Variants in CFHR5 observed in about 807,000 individuals in gnomAD.
The protein encoded by CFHR5 is complement factor H-related protein 5.
In CFHR5, 73 loss-of-function variants were observed where a neutral mutation model predicts 62.9. That is an observed-to-expected ratio of 1.16 (90% CI 0.96 to 1.41). The LOEUF is 1.41. Among genes scored for constraint, CFHR5 ranks in the 40% most tolerant of loss-of-function variants. The probability of loss-of-function intolerance (pLI) is 0.00; values close to 1 mark genes in which losing one functional copy is unlikely to be tolerated. For missense variants in CFHR5, 779 were observed against 679.9 expected, an observed-to-expected ratio of 1.15 and a Z score of -1.62; for synonymous variants, 249 against 227.2, an observed-to-expected ratio of 1.10 and a Z score of -0.86.
intron 9 of CFHR5, among the ~76,000 whole-genome samples, chr1:197,005,046 T>G (rs1342134942): frequency 6.6e-6 from 1 of 152,172 alleles, no homozygotes; most frequent in Non-Finnish European, 1.5e-5. Flanking sequence ...AAATAAAATT[T>G]TAAAGACCTA....
chr1:196,992,875 T>A (rs956174078), intron 3 of CFHR5, among the ~76,000 whole-genome samples: 1 of 152,198 alleles, frequency 6.6e-6, no homozygotes, highest in Non-Finnish European at 1.5e-5. Context: ...TAACAGTATA[T>A]AAAACTAGCT....
chr1:196,997,027 A>G (rs1271947506), intron 6 of CFHR5, among the ~76,000 whole-genome samples: 2 of 151,902 alleles, frequency 1.3e-5, no homozygotes, highest in African/African-American at 4.8e-5. Flanking sequence ...TATCTCTAGC[A>G]ACCTCAATAC....
Position 196,983,978 on chromosome 1 carries a change from T to C in CFHR5, c.271T>C (p.Phe91Leu), listed in dbSNP as rs1457960780. The change falls in exon 3 of 10, where the codon TTT becomes CTT. Residue 91 changes from phenylalanine to leucine, a missense_variant. Physicochemically the swap from Phe to Leu is conservative, Grantham distance 22. Coordinates refer to ENST00000256785, the MANE Select transcript of CFHR5 (RefSeq NM_030787.4). ...TTCCTTAGGAATGTGTTCCTTTCCT[T>C]TTGTGAAAAATGGTCATTCTGAATC... Reference protein sequence around the residue: ...PKCLRMCSFPFVKNGHSESSG... With the variant: ...PKCLRMCSFPLVKNGHSESSG... 1.9e-6 allele frequency: 3 copies of C among 1,610,066 alleles called. No homozygotes were observed. The highest frequency in any genetic ancestry group is 1.3e-5 in the African/African-American group (1 of 74,966).
At position 196,996,057 on chromosome 1, in the gene CFHR5, G is replaced by A. The variant is rs199531514; in HGVS notation, c.826G>A (p.Glu276Lys). The A allele has an allele frequency of 3.0e-5, 49 of 1,613,850 alleles. No individual in the cohort carries two copies. In the Admixed American group the frequency reaches 7.3e-4, roughly 24 times the overall value. The change falls in exon 6 of 10, where the codon GAG becomes AAG. Residue 276 changes from glutamate to lysine, a missense_variant. Transcript: ENST00000256785. ...AACATGTGGATACATACCTGAACTC[G>A]AGTACGGTTATGTTCAGCCGTCTGT... is the stretch of plus-strand genomic sequence containing the variant. Reference protein sequence around the residue: ...VKTCGYIPELEYGYVQPSVPP... With the variant: ...VKTCGYIPELKYGYVQPSVPP...
chr1:196,978,823 AG>A (rs1178724409), intron 1 of CFHR5, among the ~76,000 whole-genome samples: 1 of 152,186 alleles, frequency 6.6e-6, no homozygotes, highest in Non-Finnish European at 1.5e-5. Context: ...GGATTTCTAA[AG>A]GGGGGTGGAA....
intron 2 of CFHR5, among the ~76,000 whole-genome samples, chr1:196,983,319 C>G (rs904988653): frequency 7.2e-5 from 11 of 152,144 alleles, no homozygotes; most frequent in African/African-American, 2.4e-4. Context: ...TTTTTTTAAA[C>G]TGATGATTAA....
chr1:196,993,929 G>A (rs939751500), intron 3 of CFHR5, 151 bp from the exon 4 acceptor site: 3 of 643,516 alleles, frequency 4.7e-6, no homozygotes, highest in Middle Eastern at 4.2e-4. Flanking sequence ...TATTTATTGG[G>A]TATAAATAAT....
intron 7 of CFHR5, among the ~76,000 whole-genome samples, chr1:197,000,218 C>CTA (rs1654114292): frequency 1.3e-5 from 2 of 152,100 alleles, no homozygotes; most frequent in South Asian, 4.2e-4. Context: ...GAGCTGGTAG[C>CTA]TAGTAGTCTG....
Position 196,984,101 on chromosome 1 carries a change from C to T in CFHR5, c.394C>T (p.Arg132Trp), listed in dbSNP as rs758371568. Residue 132 changes from arginine to tryptophan, a missense_variant, in exon 3 of 10, where the codon CGG becomes TGG. By Grantham distance (101) the Arg-to-Trp change is moderately radical. Transcript: ENST00000256785. The part of the protein sequence containing the change: ...NNEKNISCVE[R>W]GWSTPPICSF... ...TGAGAAAAACATTTCGTGTGTAGAA[C>T]GGGGCTGGTCCACTCCTCCCATATG... 4.3e-5 allele frequency: 69 copies of T among 1,613,530 alleles called. No homozygotes were observed. Among genetic ancestry groups the T allele is most frequent in the East Asian group, 8.9e-5 (4 of 44,832 alleles).
Position 196,995,863 on chromosome 1 carries a change from G to C in CFHR5, c.754G>C (p.Val252Leu). The change falls in exon 5 of 10, where the codon GTG becomes CTG. Residue 252 changes from valine (V) to leucine (L), a missense_variant. Physicochemically the swap from Val to Leu is conservative, Grantham distance 32 (BLOSUM62 1). Transcript: ENST00000256785. ...AAACGGGCCTAAGAAAATACAATGT[G>C]TGGATGGAGAATGGACAACTTTACC... The part of the protein sequence containing the change: ...IINGPKKIQC[V>L]DGEWTTLPTC... 6.2e-7 allele frequency: 1 copy of C among 1,613,386 alleles called. No individual in the cohort carries two copies. The highest frequency in any genetic ancestry group is 8.5e-7 in the Non-Finnish European group (1 of 1,179,480).
At chr1:196,980,398 A>T (rs1284991658) in intron 1 of CFHR5, among the ~76,000 whole-genome samples, 2 of 152,076 alleles carry the variant, frequency 1.3e-5, no homozygotes, top group Non-Finnish European at 2.9e-5. Flanking sequence ...ATGACTGGCA[A>T]TGCTGTAAGT....
At chr1:197,008,457 T>C (rs1413996844) in intron 9 of CFHR5, 30 bp from the exon 10 acceptor site, 1 of 1,321,508 alleles carries the variant, frequency 7.6e-7, no homozygotes, top group East Asian at 2.6e-5. Context: ...TTATTATTTA[T>C]TTATTTTATT....
intron 1 of CFHR5, among the ~76,000 whole-genome samples, chr1:196,980,599 TGTGTG>T (rs1653516258): frequency 6.9e-6 from 1 of 145,858 alleles, no homozygotes; most frequent in African/African-American, 2.7e-5. Context: ...TACGTGTGTG[TGTGTG>T]TGTGTGTGTG....
In CFHR5 at chr1:196,983,094, T is replaced by C; in HGVS notation, c.253+15T>C. The C allele has an allele frequency of 6.2e-7, 1 of 1,613,642 alleles. No individual in the cohort carries two copies. Among genetic ancestry groups the C allele is most frequent in the Non-Finnish European group, 8.5e-7 (1 of 1,179,718 alleles). ...GAAGTGTCTCAGTGAGTAAATGCCC[T>C]GTTCATTAAATGGATGTCATTCAGT... On this transcript the variant is annotated intron_variant, in intron 2 of 9. Coordinates refer to ENST00000256785, the MANE Select transcript of CFHR5 (RefSeq NM_030787.4).
intron 3 of CFHR5, among the ~76,000 whole-genome samples, chr1:196,988,086 T>C (rs1653744476): frequency 6.6e-6 from 1 of 152,172 alleles, no homozygotes; most frequent in African/African-American, 2.4e-5. Flanking sequence ...ATTCTTCACA[T>C]CCCTTGTAAA....
chr1:197,000,068 G>A (rs1021076600), intron 7 of CFHR5, among the ~76,000 whole-genome samples: 9 of 151,648 alleles, frequency 5.9e-5, no homozygotes, highest in Non-Finnish European at 1.3e-4. Context: ...CAACCAAAGA[G>A]TAGATGAAAA....
In CFHR5 at chr1:197,004,745, C is replaced by A. The variant is rs1476972269; in HGVS notation, c.1415C>A (p.Ser472Ter). The A allele has an allele frequency of 3.7e-6, 6 of 1,613,166 alleles. No homozygotes were observed. The highest frequency in any genetic ancestry group is 3.4e-6 in the Non-Finnish European group (4 of 1,179,246). Reference protein sequence around the residue: ...SFPLSVYPPGSTVTYRCQSFY... With the variant: ...SFPLSVYPPG ...CCATTATCAGTATATCCTCCAGGGTCAACAGTGACGTACCGTTGCCAGTCC... is the reference window on the plus strand; with the variant it reads ...CCATTATCAGTATATCCTCCAGGGTAAACAGTGACGTACCGTTGCCAGTCC... Residue 472 changes from serine to a stop codon, truncating the protein, a stop_gained, in exon 9 of 10, where the codon TCA (serine) becomes TAA (stop). Transcript: ENST00000256785. LOFTEE classifies it high-confidence loss of function.
chr1:196,982,597 C>A (rs1199195807), intron 1 of CFHR5, among the ~76,000 whole-genome samples: 1 of 151,878 alleles, frequency 6.6e-6, no homozygotes, highest in African/African-American at 2.4e-5. Context: ...CACTTGAACC[C>A]AGTGGAGGCT....
intron 3 of CFHR5, among the ~76,000 whole-genome samples, chr1:196,991,873 G>A (rs192406868): frequency 4.9e-4 from 75 of 152,296 alleles, no homozygotes; most frequent in African/African-American, 1.5e-3. Context: ...CAATCTGTCC[G>A]TTCTCAGAGC....
Sources: allele counts gnomAD v4.1 joint callset (sites outside exome capture counted in the v4.1 genomes callset), GRCh38; gene constraint gnomAD v4.1.1; transcripts MANE v1.5; gene names NCBI Gene and HGNC (gene_info 2026-07-23, HGNC 2026-07-21).